The following GRIN2B variants were observed in gnomAD, a reference collection of about 807,000 sequenced individuals.
GRIN2B encodes the protein glutamate receptor ionotropic, NMDA 2B.
GRIN2B carries 5 observed loss-of-function variants against 114.5 expected under a neutral mutation model. That is an observed-to-expected ratio of 0.04 (90% CI 0.02 to 0.09). The LOEUF (loss-of-function observed/expected upper bound fraction) is 0.09, where lower values mean the gene tolerates loss of function less well. GRIN2B is among the 10% of genes least tolerant of loss of function. The pLI is 1.00. For missense variants in GRIN2B, 1,108 were observed against 1,943.5 expected (o/e 0.57, Z 8.08); for synonymous variants, 787 against 745.1 (o/e 1.06, Z -0.92).
In GRIN2B at chr12:13,768,316, G is replaced by A. The variant is rs993275800; in HGVS notation, c.412-14401C>T. ...GCAGTCTGGGCCTGGCTAGAAAAAT[G>A]AGCCAGAACCATCAGATCCTCTGTC... On this transcript the variant is annotated intron_variant, in intron 3 of 13. Transcript: ENST00000609686. Among the ~76,000 whole-genome samples, 59 of 152,194 alleles carry A rather than the reference G, an allele frequency of 3.9e-4. 1 individual carries two copies. The highest frequency in any genetic ancestry group is 2.6e-4 in the Admixed American group (4 of 15,280).
At chr12:13,972,968 A>T (rs758782246) in intron 2 of GRIN2B, among the ~76,000 whole-genome samples, 3 of 152,194 alleles carry the variant, frequency 2.0e-5, no homozygotes, top group South Asian at 4.1e-4. Context: ...TATCCAATAC[A>T]CTAATCTCGA....
rs566438818 is a variant in GRIN2B, at chr12:13,866,313, C to T, written c.-18-87G>A. On this transcript the variant is annotated intron_variant, in intron 2 of 13. Transcript: ENST00000609686. ...GAGGCTAGATACTGCAATTCAAGGA[C>T]CTTATCTCCTTTCATTGAGCACCAA... 1,579 of 1,136,338 alleles carry T rather than the reference C, an allele frequency of 1.4e-3. 5 individuals are homozygous for T. Among genetic ancestry groups the T allele is most frequent in the Non-Finnish European group, 1.9e-3 (1,452 of 777,686 alleles). 70.4% of individuals were successfully genotyped at this position (1,136,338 alleles called of 1,614,324 possible). A position where few individuals can be genotyped will look rare whatever the true frequency, so the allele number is the denominator to read the frequency against.
At chr12:13,754,014 A>G in intron 3 of GRIN2B, 99 bp from the exon 4 acceptor site, 1 of 721,686 alleles carries the variant, frequency 1.4e-6, no homozygotes, top group South Asian at 1.6e-5. Context: ...ATTTGTGTTC[A>G]TTACTTATTT....
intron 3 of GRIN2B, among the ~76,000 whole-genome samples, chr12:13,828,416 T>C (rs967586648): frequency 6.6e-6 from 1 of 152,198 alleles, no homozygotes. Flanking sequence ...TGTCCAGACA[T>C]GGAATTTCAC....
intron 4 of GRIN2B, among the ~76,000 whole-genome samples, chr12:13,706,086 G>A (rs1289291623): frequency 6.6e-6 from 1 of 152,134 alleles, no homozygotes; most frequent in East Asian, 1.9e-4. Flanking sequence ...CAAGGAGGCA[G>A]TAAACAATTC....
rs968341891 is a variant in GRIN2B at position 13,703,377 on chromosome 12, T to C, written c.1011-27518A>G. 2.6e-5 allele frequency among the ~76,000 whole-genome samples: 4 copies of C among 152,162 alleles called. No individual in the cohort carries two copies. The South Asian group carries it at 6.2e-4, about 24-fold the overall frequency. On this transcript the variant is annotated intron_variant, in intron 4 of 13. Transcript: ENST00000609686. ...AACTTTATATTTTTTATCACTCACA[T>C]GCTATATGTTCATTAGAGCAAATGA...
Position 13,753,445 on chromosome 12 carries a change from T to C in GRIN2B, c.882A>G (p.Arg294=). Residue 294 remains arginine (R), a synonymous_variant, in exon 4 of 14, where the codon AGA becomes AGG. Transcript: ENST00000609686. This position sits in a 1 kb window ranked among gnomAD's most constrained non-coding sequence, Gnocchi z 6.2. ...EWDYGLPARV[R]DGIAIITTAA... ...CAGTGGTGATTATGGCAATTCCATCTCTCACTCTGGCGGGGAGGCCATAGT... is the reference window on the plus strand; with the variant it reads ...CAGTGGTGATTATGGCAATTCCATCCCTCACTCTGGCGGGGAGGCCATAGT... 6.2e-7 allele frequency: 1 copy of C among 1,614,070 alleles called. No individual in the cohort carries two copies. The highest frequency in any genetic ancestry group is 8.5e-7 in the Non-Finnish European group (1 of 1,179,916).
At chr12:13,893,985 T>G (rs1591607380) in intron 2 of GRIN2B, among the ~76,000 whole-genome samples, 1 of 152,200 alleles carries the variant, frequency 6.6e-6, no homozygotes, top group South Asian at 2.1e-4. Flanking sequence ...TGTCCGATAT[T>G]ACTCATAATT....
intron 5 of GRIN2B, among the ~76,000 whole-genome samples, chr12:13,625,659 T>C (rs538706772): frequency 1.3e-5 from 2 of 152,342 alleles, no homozygotes; most frequent in African/African-American, 4.8e-5. Flanking sequence ...GGGGAAATAC[T>C]GAACAAATTC....
intron 2 of GRIN2B, among the ~76,000 whole-genome samples, chr12:13,890,688 C>T (rs565506015): frequency 3.3e-5 from 5 of 152,208 alleles, no homozygotes; most frequent in South Asian, 2.1e-4. Context: ...CCCACGACAC[C>T]CCTTGTCTTA....
intron 4 of GRIN2B, among the ~76,000 whole-genome samples, chr12:13,735,087 A>G (rs929210886): frequency 6.6e-6 from 1 of 152,164 alleles, no homozygotes; most frequent in African/African-American, 2.4e-5. Flanking sequence ...AGAAATGTGG[A>G]CCACATCCAG....
chr12:13,588,228 T>G (rs776417212), intron 10 of GRIN2B, among the ~76,000 whole-genome samples: 1 of 152,188 alleles, frequency 6.6e-6, no homozygotes, highest in African/African-American at 2.4e-5. Context: ...AATTAACAAA[T>G]GGAAAATGTT....
intron 4 of GRIN2B, among the ~76,000 whole-genome samples, chr12:13,715,030 T>G (rs566186456): frequency 6.6e-6 from 1 of 151,886 alleles, no homozygotes; most frequent in Non-Finnish European, 1.5e-5. Flanking sequence ...CTCGTAGTTC[T>G]TAGCGCATTG....
At position 13,541,875 on chromosome 12, in the gene GRIN2B, G is replaced by A. The variant is rs1948283687; in HGVS notation, c.*20908C>T. 6.6e-6 allele frequency: 1 copy of A among 152,238 alleles called. No individual in the cohort carries two copies. The highest frequency in any genetic ancestry group is 6.5e-5 in the Admixed American group (1 of 15,286). 9.4% of individuals were successfully genotyped at this position (152,238 alleles called of 1,614,324 possible). ...GAAATAGAATTAGTGCATCCTCTGT[G>A]TCAGAAACAACGTGCAGTGTCTCTG... On this transcript the variant is annotated 3_prime_UTR_variant, in exon 14 of 14. Transcript: ENST00000609686.
chr12:13,815,606 G>A (rs891534624), intron 3 of GRIN2B, among the ~76,000 whole-genome samples: 1 of 152,116 alleles, frequency 6.6e-6, no homozygotes, highest in Admixed American at 6.6e-5. Context: ...AAAGGACTTT[G>A]GGGAGTGTTT....
In GRIN2B at chr12:13,867,019, T is replaced by C. The variant is rs151036827; in HGVS notation, c.-18-793A>G. 6.1e-3 allele frequency among the ~76,000 whole-genome samples: 929 copies of C among 152,322 alleles called. 15 individuals are homozygous for C. Among genetic ancestry groups the C allele is most frequent in the African/African-American group, 0.022 (897 of 41,574 alleles). The stretch of plus-strand genomic sequence containing the variant: ...ATCTTCTGACTTTTGTATTCCAATA[T>C]GTGTTCTATTACACTACGTGGAACT... On this transcript the variant is annotated intron_variant, in intron 2 of 13. Coordinates refer to ENST00000609686, the MANE Select transcript of GRIN2B (RefSeq NM_000834.5).
rs5796570 is a variant in GRIN2B, at chr12:13,970,686, AACACACAC to A, written c.-19+9234_-19+9241del. Among the ~76,000 whole-genome samples the A allele has an allele frequency of 4.0e-3, 584 of 145,120 alleles. 10 individuals are homozygous for A. The highest frequency in any genetic ancestry group is 0.014 in the African/African-American group (538 of 38,552). ...ATTTCTCTTCTACATGCAGGCTCTAAACACACACACACACACACACACACACACACACA... is the reference window on the plus strand; with the variant it reads ...ATTTCTCTTCTACATGCAGGCTCTAAACACACACACACACACACACACACA... On this transcript the variant is annotated intron_variant, in intron 2 of 13. Transcript: ENST00000609686.
Position 13,537,655 on chromosome 12 carries a change from T to C in GRIN2B, c.*25128A>G. On this transcript the variant is annotated 3_prime_UTR_variant, in exon 14 of 14. Transcript: ENST00000609686. ...TCCCCAGATGCACATACATAGTGGT[T>C]CACATTCTGGCTGTATATTAAAATC... The C allele has an allele frequency of 6.6e-6, 1 of 152,298 alleles. No homozygotes were observed. Among genetic ancestry groups the C allele is most frequent in the Non-Finnish European group, 1.5e-5 (1 of 68,050 alleles). 9.4% of individuals were successfully genotyped at this position (152,298 alleles called of 1,614,324 possible).
chr12:13,555,174 G>A lies in GRIN2B; in HGVS notation c.*7609C>T, dbSNP rs936791269. 30 of 152,194 alleles carry A rather than the reference G, an allele frequency of 2.0e-4. No individual in the cohort carries two copies. The highest frequency in any genetic ancestry group is 6.5e-4 in the African/African-American group (27 of 41,420). The allele number at this position is 152,194 out of a possible 1,614,324, so 9.4% of individuals were successfully genotyped here. On this transcript the variant is annotated 3_prime_UTR_variant, in exon 14 of 14. Coordinates refer to ENST00000609686, the MANE Select transcript of GRIN2B (RefSeq NM_000834.5). ...TAAGAGGAAGAGCAGGAACCAATGAGGTTAGAGGACCAGAGAACTAAGATT... is the reference window on the plus strand; with the variant it reads ...TAAGAGGAAGAGCAGGAACCAATGAAGTTAGAGGACCAGAGAACTAAGATT...
Sources: allele counts gnomAD v4.1 joint callset (sites outside exome capture counted in the v4.1 genomes callset), GRCh38; gene constraint gnomAD v4.1.1; non-coding constraint Gnocchi (gnomAD v3.1); transcripts MANE v1.5; gene names NCBI Gene and HGNC (gene_info 2026-07-23, HGNC 2026-07-21).